Variants in KPNA1 observed in about 807,000 individuals in gnomAD.
The protein encoded by KPNA1 is karyopherin subunit alpha 1.
In KPNA1, 10 loss-of-function variants were observed where a neutral mutation model predicts 70.5. The ratio of observed to expected loss-of-function variants is 0.14; its 90% CI spans 0.09 to 0.24. The LOEUF (loss-of-function observed/expected upper bound fraction) is 0.24, where lower values mean the gene tolerates loss of function less well. Among genes scored for constraint, KPNA1 ranks in the 10% least tolerant of loss-of-function variants. The pLI, the probability that KPNA1 is intolerant of heterozygous loss-of-function variation, is 1.00. For synonymous variants in KPNA1, 192 were observed against 221.9 expected (o/e 0.87, Z 1.20); for missense variants, 397 against 637.9 (o/e 0.62, Z 4.07).
At chr3:122,488,731 G>A (rs1437191490) in intron 2 of KPNA1, among the ~76,000 whole-genome samples, 3 of 152,198 alleles carry the variant, frequency 2.0e-5, no homozygotes, top group African/African-American at 7.2e-5. Context: ...TTTACAACGA[G>A]AACTGTGATG....
chr3:122,484,666 AT>A (rs1309737014), intron 2 of KPNA1, among the ~76,000 whole-genome samples: 36 of 151,430 alleles, frequency 2.4e-4, no homozygotes, highest in African/African-American at 4.4e-4. Context: ...AATAAAAAAA[AT>A]AAATAAAATA....
At chr3:122,461,391 C>T in intron 4 of KPNA1, 73 bp from the exon 5 acceptor site, 1 of 871,924 alleles carries the variant, frequency 1.1e-6, no homozygotes, top group Non-Finnish European at 1.9e-6. Flanking sequence ...CTCAAAACTT[C>T]TTAACATCCC....
chr3:122,481,644 A>G (rs983041846), intron 2 of KPNA1, among the ~76,000 whole-genome samples: 9 of 152,368 alleles, frequency 5.9e-5, no homozygotes, highest in Middle Eastern at 3.4e-3. Context: ...AAACCACTGA[A>G]TTACACACTT....
intron 9 of KPNA1, among the ~76,000 whole-genome samples, chr3:122,443,946 C>T (rs538661965): frequency 1.2e-4 from 18 of 152,292 alleles, no homozygotes; most frequent in Middle Eastern, 6.8e-3. Context: ...ACCGGTCTGA[C>T]TAGAATTCGC....
rs1429340895 is a variant in KPNA1, at chr3:122,496,344, A to ACACACACACACACACACACC, written c.129+92_129+93insGGTGTGTGTGTGTGTGTGTG. On this transcript the variant is annotated intron_variant, in intron 2 of 13. Transcript: ENST00000344337. ...AACACACACACACACACACACACACACACACCCCAACTTTGCTAAAATGAA... is the reference window on the plus strand; with the variant it reads ...AACACACACACACACACACACACACACACACACACACACACACACCCACACCCCAACTTTGCTAAAATGAA... 2.9e-5 allele frequency: 34 copies of ACACACACACACACACACACC among 1,160,796 alleles called. No homozygotes were observed. In the African/African-American group the frequency reaches 5.1e-4, roughly 17 times the overall value. 71.9% of individuals were successfully genotyped at this position (1,160,796 alleles called of 1,614,324 possible). A position where few individuals can be genotyped will look rare whatever the true frequency, so the allele number is the denominator to read the frequency against.
rs1223851921 is a variant in KPNA1 at position 122,424,671 on chromosome 3, G to A, written c.*2314C>T. 6.6e-6 allele frequency: 1 copy of A among 152,580 alleles called. No homozygotes were observed. The highest frequency in any genetic ancestry group is 2.4e-5 in the African/African-American group (1 of 41,448). The allele number at this position is 152,580 out of a possible 1,614,324, so 9.5% of individuals were successfully genotyped here. On this transcript the variant is annotated 3_prime_UTR_variant, in exon 14 of 14. Coordinates refer to ENST00000344337, the MANE Select transcript of KPNA1 (RefSeq NM_002264.4). The stretch of plus-strand genomic sequence containing the variant: ...TGCACACTACTCTTCCTAATGTGGG[G>A]AGACAACTGTGTGCTTTGTATCTTT...
At chr3:122,477,809 T>C (rs1165488774) in intron 2 of KPNA1, among the ~76,000 whole-genome samples, 1 of 152,046 alleles carries the variant, frequency 6.6e-6, no homozygotes, top group Admixed American at 6.6e-5. Flanking sequence ...AAACATCATG[T>C]TGTACACCAT....
At chr3:122,477,675 T>C (rs888000205) in intron 2 of KPNA1, among the ~76,000 whole-genome samples, 1 of 150,932 alleles carries the variant, frequency 6.6e-6, no homozygotes, top group African/African-American at 2.4e-5. Flanking sequence ...AGTAAGACCT[T>C]GTCTCAAAAA....
At position 122,434,997 on chromosome 3, in the gene KPNA1, G is replaced by A. The variant is rs140826484; in HGVS notation, c.1123-1209C>T. On this transcript the variant is annotated intron_variant, in intron 11 of 13. Coordinates refer to ENST00000344337, the MANE Select transcript of KPNA1 (RefSeq NM_002264.4). Reference sequence around the variant, plus strand: ...AACTCTTATTATACCTGTGAAGGACGTCAACAAAGTTTGACAAAGTTGATT... The same window carrying A: ...AACTCTTATTATACCTGTGAAGGACATCAACAAAGTTTGACAAAGTTGATT... 1.3e-3 allele frequency among the ~76,000 whole-genome samples: 192 copies of A among 152,296 alleles called. 1 individual carries two copies. The highest frequency in any genetic ancestry group is 4.4e-3 in the African/African-American group (182 of 41,556).
At chr3:122,488,101 TA>T (rs1288599066) in intron 2 of KPNA1, among the ~76,000 whole-genome samples, 1 of 152,176 alleles carries the variant, frequency 6.6e-6, no homozygotes, top group East Asian at 1.9e-4. Context: ...TTCCAGCTAA[TA>T]AAAGCAGAAG....
chr3:122,432,358 A>G (rs1350519644), intron 12 of KPNA1: 1 of 152,216 alleles, frequency 6.6e-6, no homozygotes, highest in Non-Finnish European at 1.5e-5. Flanking sequence ...TAGCTACTGC[A>G]TATGTTAATC....
At chr3:122,479,849 CA>C (rs1560044387) in intron 2 of KPNA1, among the ~76,000 whole-genome samples, 3 of 152,120 alleles carry the variant, frequency 2.0e-5, no homozygotes, top group African/African-American at 4.8e-5. Flanking sequence ...TATATCTATA[CA>C]AAATCCTTCC....
At chr3:122,451,320 C>T (rs1464825371) in intron 8 of KPNA1, among the ~76,000 whole-genome samples, 1 of 152,126 alleles carries the variant, frequency 6.6e-6, no homozygotes, top group Non-Finnish European at 1.5e-5. Flanking sequence ...GCAGTCCCAT[C>T]GTAAATGTGC....
chr3:122,464,014 C>T lies in KPNA1; in HGVS notation c.265G>A (p.Glu89Lys), dbSNP rs2076354340. 6.2e-7 allele frequency: 1 copy of T among 1,604,490 alleles called. No homozygotes were observed. The highest frequency in any genetic ancestry group is 8.5e-7 in the Non-Finnish European group (1 of 1,174,350). ...TCTGGGCTTTTGGAAAATATCATTT[C>T]AATCATGTCAGAAGTGATGACACCA... is the stretch of plus-strand genomic sequence containing the variant. ...PGGVITSDMI[E>K]MIFSKSPEQQ... Residue 89 changes from glutamate (E) to lysine (K), a missense_variant, in exon 4 of 14, where the codon GAA (glutamate) becomes AAA (lysine). Coordinates refer to ENST00000344337, the MANE Select transcript of KPNA1 (RefSeq NM_002264.4).
At chr3:122,483,951 C>T (rs1288551409) in intron 2 of KPNA1, among the ~76,000 whole-genome samples, 1 of 152,094 alleles carries the variant, frequency 6.6e-6, no homozygotes, top group African/African-American at 2.4e-5. Flanking sequence ...TTTTAAATTA[C>T]TTCTATTCCT....
At chr3:122,508,765 A>G (rs949773153) in intron 1 of KPNA1, among the ~76,000 whole-genome samples, 1 of 152,200 alleles carries the variant, frequency 6.6e-6, no homozygotes, top group Non-Finnish European at 1.5e-5. Flanking sequence ...AGCCACACTT[A>G]ATAGAGCTTC....
At position 122,468,509 on chromosome 3, in the gene KPNA1, T is replaced by C. The variant is rs549907352; in HGVS notation, c.130-1080A>G. Among the ~76,000 whole-genome samples the C allele has an allele frequency of 4.6e-5, 7 of 152,328 alleles. No individual in the cohort carries two copies. The South Asian group carries it at 1.5e-3, about 32-fold the overall frequency. On this transcript the variant is annotated intron_variant, in intron 2 of 13. Transcript: ENST00000344337. The stretch of plus-strand genomic sequence containing the variant: ...ATACCAAAACCACCTACCAAAGGCC[T>C]ATTTAACAGTAGTTTCTTTTACCCA...
At chr3:122,512,464 G>C (rs531235510) in intron 1 of KPNA1, among the ~76,000 whole-genome samples, 1 of 152,378 alleles carries the variant, frequency 6.6e-6, no homozygotes, top group East Asian at 1.9e-4. Flanking sequence ...GCTCATGCCT[G>C]TAATCCTAGA....
At chr3:122,449,870 A>G in intron 8 of KPNA1, 133 bp from the exon 9 acceptor site, 2 of 607,468 alleles carry the variant, frequency 3.3e-6, no homozygotes, top group Non-Finnish European at 5.6e-6. Flanking sequence ...ATGAAGCAGC[A>G]AGTACCTAAG....
Sources: gnomAD v4.1 joint callset for allele counts (sites outside exome capture counted in the v4.1 genomes callset) on GRCh38, gnomAD v4.1.1 for gene constraint, MANE v1.5 for transcripts, NCBI Gene and HGNC (gene_info 2026-07-23, HGNC 2026-07-21) for gene names.